Variants in RAI14 observed in about 807,000 individuals in gnomAD.
The protein encoded by RAI14 is ankycorbin.
A neutral mutation model predicts 115.4 loss-of-function variants in RAI14; 45 were observed. The ratio of observed to expected loss-of-function variants is 0.39; its 90% CI spans 0.31 to 0.50. The LOEUF is 0.50. Ranked by LOEUF, RAI14 falls within the 20% of genes least tolerant of loss-of-function variation. The pLI is 0.85. For synonymous variants in RAI14, 371 were observed against 415.4 expected, an observed-to-expected ratio of 0.89 and a Z score of 1.30; for missense variants, 939 against 1,131.2, an observed-to-expected ratio of 0.83 and a Z score of 2.44.
intron 4 of RAI14, among the ~76,000 whole-genome samples, chr5:34,802,950 A>T (rs1464772652): frequency 6.6e-6 from 1 of 152,130 alleles, no homozygotes; most frequent in African/African-American, 2.4e-5. Flanking sequence ...GGGAAATGAG[A>T]TGTCAAGAGT....
At chr5:34,774,191 T>TAA (rs556425919) in intron 3 of RAI14, among the ~76,000 whole-genome samples, 2,590 of 141,318 alleles carry the variant, frequency 0.018, 69 homozygotes, top group African/African-American at 0.057. Context: ...TGTGTCTACT[T>TAA]AAAAAAAAAA....
chr5:34,662,146 T>A (rs1198916981), intron 1 of RAI14, among the ~76,000 whole-genome samples: 1 of 152,196 alleles, frequency 6.6e-6, no homozygotes. Flanking sequence ...AGAGTGTACA[T>A]CATCATTGCC....
rs1298731836 is a variant in RAI14, at chr5:34,823,127, G to A, written c.1285G>A (p.Val429Ile). The A allele has an allele frequency of 6.2e-7, 1 of 1,612,836 alleles. No homozygotes were observed. The highest frequency in any genetic ancestry group is 1.3e-5 in the African/African-American group (1 of 74,832). Residue 429 changes from valine (V) to isoleucine (I), a missense_variant, in exon 15 of 18, where the codon GTC (valine) becomes ATC (isoleucine). Transcript: ENST00000265109. This position sits in a 1 kb window ranked among gnomAD's most constrained non-coding sequence, Gnocchi z 4.5. ...AGGTAAATCCACTACTGACAATGAT[G>A]TCAGAATTCAGCAACTGCAAGAGAT... ...SLGKSTTDND[V>I]RIQQLQEILQ... is the part of the protein sequence containing the mutation.
intron 3 of RAI14, among the ~76,000 whole-genome samples, chr5:34,788,994 G>A (rs552969658): frequency 1.3e-5 from 2 of 152,286 alleles, no homozygotes; most frequent in East Asian, 1.9e-4. Flanking sequence ...TATGTTTAAA[G>A]AGGACAAGTA....
chr5:34,748,557 T>TGGA (rs1746591253), intron 2 of RAI14, among the ~76,000 whole-genome samples: 1 of 152,208 alleles, frequency 6.6e-6, no homozygotes, highest in Admixed American at 6.5e-5. Context: ...CTTGCCCAGC[T>TGGA]GAGAGTTGTC....
At chr5:34,798,111 C>T (rs1250772446) in intron 4 of RAI14, among the ~76,000 whole-genome samples, 1 of 152,218 alleles carries the variant, frequency 6.6e-6, no homozygotes, top group Non-Finnish European at 1.5e-5. Context: ...TCTCTGCTCA[C>T]TGCAACCTCC....
intron 1 of RAI14, among the ~76,000 whole-genome samples, chr5:34,677,467 A>G (rs559197724): frequency 6.6e-6 from 1 of 151,502 alleles, no homozygotes; most frequent in African/African-American, 2.4e-5. Context: ...TTTTTTTTAA[A>G]ATGGGGTCTC....
Position 34,829,679 on chromosome 5 carries a change from G to T in RAI14, c.2800-53G>T, listed in dbSNP as rs1398560632. 9.4e-6 allele frequency: 14 copies of T among 1,489,728 alleles called. No individual in the cohort carries two copies. In the Admixed American group the frequency reaches 1.2e-4, roughly 13 times the overall value. 92.3% of individuals were successfully genotyped at this position (1,489,728 alleles called of 1,614,324 possible). On this transcript the variant is annotated intron_variant, in intron 16 of 17. Coordinates refer to ENST00000265109, the MANE Select transcript of RAI14 (RefSeq NM_015577.3). ...AGCTTTCTCATAGTTTTTTGTTTTT[G>T]TTCTTTAAAGATCTCTTAAGCTCAT... is the stretch of plus-strand genomic sequence containing the variant.
intron 1 of RAI14, among the ~76,000 whole-genome samples, chr5:34,660,127 G>A (rs1264858081): frequency 6.6e-6 from 1 of 152,062 alleles, no homozygotes; most frequent in Admixed American, 6.5e-5. Context: ...AGTGAGCCTA[G>A]ATTACACCAC....
At chr5:34,674,576 C>T (rs1001924927) in intron 1 of RAI14, among the ~76,000 whole-genome samples, 8 of 149,314 alleles carry the variant, frequency 5.4e-5, no homozygotes, top group Middle Eastern at 3.5e-3. Context: ...CTTTTTGAAT[C>T]GGATCTTTTG....
chr5:34,707,061 A>T (rs144987158), intron 2 of RAI14, among the ~76,000 whole-genome samples: 1 of 152,360 alleles, frequency 6.6e-6, no homozygotes, highest in Non-Finnish European at 1.5e-5. Flanking sequence ...AACTTGGCAC[A>T]TGATGTTGTG....
chr5:34,782,515 G>A (rs1751788816), intron 3 of RAI14, among the ~76,000 whole-genome samples: 1 of 152,186 alleles, frequency 6.6e-6, no homozygotes, highest in Non-Finnish European at 1.5e-5. Context: ...GTTCAGGTGT[G>A]CCTGGGATGC....
intron 2 of RAI14, among the ~76,000 whole-genome samples, chr5:34,696,896 C>T (rs1187110085): frequency 1.3e-5 from 2 of 151,794 alleles, no homozygotes; most frequent in Non-Finnish European, 2.9e-5. Context: ...TTTGGGAGGC[C>T]AAGGTAGGTG....
intron 3 of RAI14, among the ~76,000 whole-genome samples, chr5:34,762,080 T>C (rs768827607): frequency 1.3e-5 from 2 of 152,210 alleles, no homozygotes; most frequent in Non-Finnish European, 2.9e-5. Context: ...GTCTTTCCCA[T>C]TGTTCTAGGC....
chr5:34,671,027 T>TTTG, intron 1 of RAI14, among the ~76,000 whole-genome samples: 1 of 152,228 alleles, frequency 6.6e-6, no homozygotes, highest in Non-Finnish European at 1.5e-5. Context: ...TTTTTGGTTT[T>TTTG]CAGCCTCCAC....
chr5:34,699,158 T>C (rs1739722286), intron 2 of RAI14, among the ~76,000 whole-genome samples: 1 of 152,202 alleles, frequency 6.6e-6, no homozygotes, highest in African/African-American at 2.4e-5. Flanking sequence ...TATTTACCAC[T>C]AAAATACACT....
In RAI14 at chr5:34,769,638, C is replaced by T. The variant is rs149726845; in HGVS notation, c.167+12040C>T. Among the ~76,000 whole-genome samples, 314 of 152,280 alleles carry T rather than the reference C, an allele frequency of 2.1e-3. 1 individual carries two copies. The highest frequency in any genetic ancestry group is 6.0e-3 in the African/African-American group (250 of 41,554). On this transcript the variant is annotated intron_variant, in intron 3 of 17. Transcript: ENST00000265109. Reference sequence around the variant, plus strand: ...AGTAATTCTGTAGATCAGATGAGTACACTGAAGTAAGTGAATTTGAGTGGC... The same window carrying T: ...AGTAATTCTGTAGATCAGATGAGTATACTGAAGTAAGTGAATTTGAGTGGC...
At chr5:34,767,591 G>GCCCCCCCCA (rs1561334151) in intron 3 of RAI14, among the ~76,000 whole-genome samples, 1 of 116,750 alleles carries the variant, frequency 8.6e-6, no homozygotes, top group African/African-American at 3.3e-5. Flanking sequence ...CACCGCCACC[G>GCCCCCCCCA]CCCCCACCAC....
rs528081837 is a variant in RAI14 at position 34,698,676 on chromosome 5, T to A, written c.36+11721T>A. Among the ~76,000 whole-genome samples the A allele has an allele frequency of 2.0e-5, 3 of 152,200 alleles. No homozygotes were observed. The East Asian group carries it at 5.8e-4, about 29-fold the overall frequency. On this transcript the variant is annotated intron_variant, in intron 2 of 17. Transcript: ENST00000265109. ...ACTCTAATGGAGAAGGATATATACATGGGCAAATAACAGAAAATCAAGTGT... is the reference window on the plus strand; with the variant it reads ...ACTCTAATGGAGAAGGATATATACAAGGGCAAATAACAGAAAATCAAGTGT...
Sources: allele counts gnomAD v4.1 joint callset (sites outside exome capture counted in the v4.1 genomes callset), GRCh38; gene constraint gnomAD v4.1.1; non-coding constraint Gnocchi (gnomAD v3.1); transcripts MANE v1.5; gene names NCBI Gene and HGNC (gene_info 2026-07-23, HGNC 2026-07-21).